SLC9A4: variants seen among roughly 807,000 people sequenced by gnomAD.
SLC9A4 encodes the protein solute carrier family 9 member A4.
In SLC9A4, 63 loss-of-function variants were observed where a neutral mutation model predicts 67.4. The ratio of observed to expected loss-of-function variants is 0.93; its 90% CI spans 0.76 to 1.15. The LOEUF is 1.15. Among genes scored for constraint, SLC9A4 ranks in the 50% most tolerant of loss-of-function variants. The pLI is 0.00. For missense variants in SLC9A4, 1,089 were observed against 987.7 expected, an observed-to-expected ratio of 1.10 and a Z score of -1.38; for synonymous variants, 393 against 367.2, an observed-to-expected ratio of 1.07 and a Z score of -0.80.
chr2:102,530,186 C>A (rs1236506506), intron 11 of SLC9A4, among the ~76,000 whole-genome samples: 1 of 152,186 alleles, frequency 6.6e-6, no homozygotes, highest in African/African-American at 2.4e-5. Flanking sequence ...GTGTATCCTG[C>A]ATCAGGTAGT....
chr2:102,515,356 T>C (rs1685254917), intron 8 of SLC9A4, among the ~76,000 whole-genome samples: 1 of 150,472 alleles, frequency 6.6e-6, no homozygotes, highest in Admixed American at 6.6e-5. Context: ...AGAAGAATCC[T>C]AACTAAAAGT....
At position 102,478,994 on chromosome 2, in the gene SLC9A4, A is replaced by C. The variant is rs147587362; in HGVS notation, c.412A>C (p.Ile138Leu). The change falls in exon 2 of 12, where the codon ATC (isoleucine) becomes CTC (leucine). Residue 138 changes from isoleucine to leucine, a missense_variant. Ile to Leu is a conservative substitution (Grantham distance 5, BLOSUM62 2). Transcript: ENST00000295269. ...CTACTTCCTGTATCTCCTGCCACCC[A>C]TCGTTCTGGAGGGCGGCTACTTCAT... ...SIYFLYLLPP[I>L]VLEGGYFMPT... The C allele has an allele frequency of 6.2e-7, 1 of 1,613,904 alleles. No individual in the cohort carries two copies. The highest frequency in any genetic ancestry group is 1.3e-5 in the African/African-American group (1 of 74,906).
intron 6 of SLC9A4, among the ~76,000 whole-genome samples, chr2:102,511,935 C>CAT (rs1685170668): frequency 1.3e-5 from 2 of 151,848 alleles, no homozygotes; most frequent in Non-Finnish European, 2.9e-5. Flanking sequence ...AAGTATTATC[C>CAT]AAAGCAAATG....
At chr2:102,512,321 A>T in intron 7 of SLC9A4, 48 bp downstream of exon 7, 4 of 1,588,336 alleles carry the variant, frequency 2.5e-6, no homozygotes, top group South Asian at 1.1e-5. Context: ...TAAAGGTTCC[A>T]TTGGAAGCTG....
chr2:102,499,771 G>C (rs771437664), intron 2 of SLC9A4, among the ~76,000 whole-genome samples: 5 of 152,116 alleles, frequency 3.3e-5, no homozygotes, highest in Non-Finnish European at 5.9e-5. Flanking sequence ...ATGCTTATTG[G>C]CTACTGGTTA....
At chr2:102,526,113 C>G (rs1410687155) in intron 10 of SLC9A4, 146 bp from the exon 11 acceptor site, 4 of 689,934 alleles carry the variant, frequency 5.8e-6, no homozygotes, top group East Asian at 7.0e-5. Context: ...GTCTTGAACC[C>G]CTGACCTCAG....
In SLC9A4 at chr2:102,518,232, A is replaced by T. The variant is rs183334549; in HGVS notation, c.1722-1627A>T. ...TATAAACTGGGAAGAGTGCCAAGTT[A>T]CAGCTACTGCTATATCAAGTGTAAC... On this transcript the variant is annotated intron_variant, in intron 8 of 11. Coordinates refer to ENST00000295269, the MANE Select transcript of SLC9A4 (RefSeq NM_001011552.4). Among the ~76,000 whole-genome samples the T allele has an allele frequency of 9.0e-3, 1,372 of 152,320 alleles. 16 individuals carry two copies. The highest frequency in any genetic ancestry group is 0.026 in the African/African-American group (1,097 of 41,572).
Position 102,533,739 on chromosome 2 carries a change from C to T in SLC9A4, c.*1051C>T, listed in dbSNP as rs565080695. ...ATTCCCACCTATGAGTGAGAATATGCGGTGTTTGGTTTTTTGTTCTTGGGA... is the reference window on the plus strand; with the variant it reads ...ATTCCCACCTATGAGTGAGAATATGTGGTGTTTGGTTTTTTGTTCTTGGGA... On this transcript the variant is annotated 3_prime_UTR_variant, in exon 12 of 12. Coordinates refer to ENST00000295269, the MANE Select transcript of SLC9A4 (RefSeq NM_001011552.4). 9.5e-5 allele frequency: 14 copies of T among 147,284 alleles called. No individual in the cohort carries two copies. Among genetic ancestry groups the T allele is most frequent in the South Asian group, 4.4e-4 (2 of 4,546 alleles). 9.1% of individuals were successfully genotyped at this position (147,284 alleles called of 1,614,324 possible).
At chr2:102,493,902 C>T (rs971175219) in intron 2 of SLC9A4, among the ~76,000 whole-genome samples, 7 of 151,826 alleles carry the variant, frequency 4.6e-5, no homozygotes, top group Admixed American at 6.5e-5. Context: ...ACTTCCCAGA[C>T]CCCAGTCTAT....
intron 4 of SLC9A4, among the ~76,000 whole-genome samples, chr2:102,506,058 C>T (rs1173175037): frequency 6.6e-6 from 1 of 152,146 alleles, no homozygotes; most frequent in East Asian, 1.9e-4. Flanking sequence ...AGCAAACAAA[C>T]AAATCAGAAA....
intron 6 of SLC9A4, among the ~76,000 whole-genome samples, chr2:102,510,258 TACAGATACAGATAC>T (rs1685136845): frequency 2.0e-5 from 3 of 147,376 alleles, no homozygotes; most frequent in South Asian, 2.1e-4. Context: ...CAGATACAGA[TACAGATACAGATAC>T]AGATATAGAT....
rs150819444 is a variant in SLC9A4, at chr2:102,479,047, C to A, written c.465C>A (p.Ile155=). ...FMPTRPFFEN[I]GSILWWAVLG... ...CCACCCGGCCCTTCTTTGAGAACAT[C>A]GGCTCCATCCTGTGGTGGGCAGTAT... Residue 155 remains isoleucine, a synonymous_variant, in exon 2 of 12, where the codon ATC becomes ATA. Coordinates refer to ENST00000295269, the MANE Select transcript of SLC9A4 (RefSeq NM_001011552.4). 1 of 1,614,180 alleles carries A rather than the reference C, an allele frequency of 6.2e-7. No individual in the cohort carries two copies. Among genetic ancestry groups the A allele is most frequent in the Non-Finnish European group, 8.5e-7 (1 of 1,180,056 alleles).
chr2:102,523,478 G>A (rs1013970704), intron 9 of SLC9A4, among the ~76,000 whole-genome samples: 1 of 152,194 alleles, frequency 6.6e-6, no homozygotes, highest in African/African-American at 2.4e-5. Flanking sequence ...TATGGACTCA[G>A]TGAGGGCCCA....
intron 7 of SLC9A4, 91 bp from the exon 8 acceptor site, chr2:102,513,999 A>C: frequency 6.7e-7 from 1 of 1,482,402 alleles, no homozygotes. Context: ...AATAAAGTTA[A>C]GTAGTAAGTA....
rs1313326052 is a variant in SLC9A4, at chr2:102,473,854, A to G, written c.95A>G (p.Glu32Gly). Residue 32 changes from glutamate to glycine, a missense_variant, in exon 1 of 12, where the codon GAA becomes GGA. By Grantham distance (98) the Glu-to-Gly change is moderately conservative. Transcript: ENST00000295269. ...ECSEASSDLN[E>G]SANSTAQYAS... ...TCTGAAGCATCTTCTGATTTGAATG[A>G]ATCTGCAAATTCCACTGCTCAGTAT... The G allele has an allele frequency of 3.7e-6, 6 of 1,614,072 alleles. No individual in the cohort carries two copies. Among genetic ancestry groups the G allele is most frequent in the Non-Finnish European group, 5.1e-6 (6 of 1,179,954 alleles).
chr2:102,524,416 G>A (rs1348845292), intron 9 of SLC9A4, among the ~76,000 whole-genome samples: 1 of 152,222 alleles, frequency 6.6e-6, no homozygotes, highest in Non-Finnish European at 1.5e-5. Flanking sequence ...CTGGTCTGGG[G>A]TAAAGGACAA....
Position 102,474,002 on chromosome 2 carries a change from C to T in SLC9A4, c.243C>T (p.Ser81=), listed in dbSNP as rs776080068. 14 of 1,611,228 alleles carry T rather than the reference C, an allele frequency of 8.7e-6. No individual in the cohort carries two copies. The Middle Eastern group carries it at 8.3e-4, about 95-fold the overall frequency. ...TCACTCTCTGGATACTTCTAGCATC[C>T]CTTGCAAAAATAGGTAAGTCCTTAA... The part of the protein sequence containing the change: ...YEVTLWILLA[S]LAKIGFHLYH... Residue 81 remains serine (S), a synonymous_variant, in exon 1 of 12, where the codon TCC becomes TCT. Transcript: ENST00000295269.
intron 2 of SLC9A4, among the ~76,000 whole-genome samples, chr2:102,491,444 A>G (rs1473618350): frequency 6.7e-6 from 1 of 150,100 alleles, no homozygotes; most frequent in African/African-American, 2.4e-5. Context: ...GAGGCTTCAC[A>G]ATCATGGTGG....
At chr2:102,482,445 C>T (rs80170464) in intron 2 of SLC9A4, among the ~76,000 whole-genome samples, 16,375 of 152,192 alleles carry the variant, frequency 0.11, 1,160 homozygotes, top group African/African-American at 0.2. Flanking sequence ...TCTCCCCAGA[C>T]GACACTGGAC....
Sources: gnomAD v4.1 joint callset for allele counts (sites outside exome capture counted in the v4.1 genomes callset) on GRCh38, gnomAD v4.1.1 for gene constraint, MANE v1.5 for transcripts, NCBI Gene and HGNC (gene_info 2026-07-23, HGNC 2026-07-21) for gene names.